The following KSR2 variants were observed in gnomAD, a reference collection of about 807,000 sequenced individuals.
The protein encoded by KSR2 is kinase suppressor of ras 2.
In KSR2, 25 loss-of-function variants were observed where a neutral mutation model predicts 107.8. The ratio of observed to expected loss-of-function variants is 0.23; its 90% CI spans 0.17 to 0.32. KSR2 has a LOEUF of 0.32. KSR2 is among the 10% of genes least tolerant of loss of function. The pLI, the probability that KSR2 is intolerant of heterozygous loss-of-function variation, is 1.00. For missense variants in KSR2, 887 were observed against 1,268.9 expected (o/e 0.70, Z 4.57); for synonymous variants, 480 against 507.0 (o/e 0.95, Z 0.71).
chr12:117,848,835 G>GGTGA (rs1892807956), intron 3 of KSR2, among the ~76,000 whole-genome samples: 2 of 40,134 alleles, frequency 5.0e-5, no homozygotes, highest in Non-Finnish European at 1.2e-4. Context: ...GATGGTGGTA[G>GGTGA]TGGTGGTGAT....
chr12:117,830,932 GA>G (rs1235740147), intron 3 of KSR2, among the ~76,000 whole-genome samples: 3 of 152,012 alleles, frequency 2.0e-5, no homozygotes, highest in African/African-American at 7.3e-5. Context: ...TAGCTCAAAG[GA>G]AAAACCAAAC....
intron 5 of KSR2, among the ~76,000 whole-genome samples, chr12:117,663,451 G>A (rs1377739548): frequency 6.6e-6 from 1 of 152,134 alleles, no homozygotes; most frequent in African/African-American, 2.4e-5. Flanking sequence ...AATACATGCC[G>A]ATTGCTATTA....
chr12:117,787,909 A>C (rs1890134008), intron 3 of KSR2, among the ~76,000 whole-genome samples: 1 of 152,250 alleles, frequency 6.6e-6, no homozygotes, highest in Non-Finnish European at 1.5e-5. Flanking sequence ...TCAATAATAA[A>C]CATTTGCTCT....
At chr12:117,769,749 C>G (rs1593218935) in intron 3 of KSR2, among the ~76,000 whole-genome samples, 1 of 152,164 alleles carries the variant, frequency 6.6e-6, no homozygotes, top group East Asian at 1.9e-4. Flanking sequence ...ACACAGAGCT[C>G]ACACTCAAGA....
intron 1 of KSR2, among the ~76,000 whole-genome samples, chr12:117,957,765 A>T (rs1896555316): frequency 6.6e-6 from 1 of 150,512 alleles, no homozygotes; most frequent in African/African-American, 2.4e-5. Context: ...ACACACACAC[A>T]CACACACGCA....
intron 16 of KSR2, among the ~76,000 whole-genome samples, chr12:117,477,788 C>T (rs1448386301): frequency 1.3e-5 from 2 of 152,234 alleles, no homozygotes; most frequent in Admixed American, 1.3e-4. Context: ...ACAACCAACT[C>T]CTTGCTGTTG....
In KSR2 at chr12:117,539,709, A is replaced by AT. The variant is rs1565890827; in HGVS notation, c.1687+9dup. 6.3e-7 allele frequency: 1 copy of AT among 1,596,124 alleles called. No individual in the cohort carries two copies. The highest frequency in any genetic ancestry group is 8.5e-7 in the Non-Finnish European group (1 of 1,172,710). On this transcript the variant is annotated intron_variant, in intron 10 of 19. Coordinates refer to ENST00000339824, the MANE Select transcript of KSR2 (RefSeq NM_173598.6). ...CTGCACCCCTCATGTCTCCCCAAGCATGGAGGTACCTGGCAGGTTGAAGTT... is the reference window on the plus strand; with the variant it reads ...CTGCACCCCTCATGTCTCCCCAAGCATTGGAGGTACCTGGCAGGTTGAAGTT...
intron 14 of KSR2, chr12:117,517,649 C>T (rs943341928): frequency 5.6e-6 from 2 of 354,532 alleles, no homozygotes; most frequent in African/African-American, 4.3e-5. Flanking sequence ...GCTTCCTTCA[C>T]AAAAGTCCCA....
At chr12:117,923,215 CATCT>C (rs368881568) in intron 1 of KSR2, among the ~76,000 whole-genome samples, 46 of 152,218 alleles carry the variant, frequency 3.0e-4, no homozygotes, top group African/African-American at 8.4e-4. Context: ...AACTATCTAT[CATCT>C]ATCTATCTAT....
At chr12:117,565,035 G>A (rs7308761) in intron 7 of KSR2, among the ~76,000 whole-genome samples, 6,779 of 152,208 alleles carry the variant, frequency 0.045, 495 homozygotes, top group African/African-American at 0.15. Flanking sequence ...GGGAACTGCG[G>A]GGGACAAATG....
chr12:117,778,304 C>A (rs1452095879), intron 3 of KSR2, among the ~76,000 whole-genome samples: 1 of 151,986 alleles, frequency 6.6e-6, no homozygotes. Flanking sequence ...TTGGCCAGGC[C>A]GGTCTCAAAC....
chr12:117,944,731 G>A (rs1896121288), intron 1 of KSR2, among the ~76,000 whole-genome samples: 2 of 151,800 alleles, frequency 1.3e-5, no homozygotes, highest in Admixed American at 6.6e-5. Flanking sequence ...GGTAGCACAC[G>A]CCCGTAGTCC....
chr12:117,958,000 T>C, intron 1 of KSR2, among the ~76,000 whole-genome samples: 1 of 152,050 alleles, frequency 6.6e-6, no homozygotes, highest in African/African-American at 2.4e-5. Context: ...CCAGCTAATT[T>C]TTTTGTATTT....
At chr12:117,962,376 A>G (rs1896684784) in intron 1 of KSR2, among the ~76,000 whole-genome samples, 1 of 151,516 alleles carries the variant, frequency 6.6e-6, no homozygotes, top group Non-Finnish European at 1.5e-5. Flanking sequence ...CCTACAGCCT[A>G]GGGATTAGCA....
intron 3 of KSR2, among the ~76,000 whole-genome samples, chr12:117,847,397 C>T (rs1054220756): frequency 2.2e-4 from 34 of 152,184 alleles, no homozygotes; most frequent in African/African-American, 8.0e-4. Context: ...TGCCAGTTCT[C>T]CCCCTTGATA....
intron 3 of KSR2, among the ~76,000 whole-genome samples, chr12:117,834,439 G>C (rs187750635): frequency 7.3e-4 from 79 of 108,248 alleles, no homozygotes; most frequent in African/African-American, 2.5e-3. Flanking sequence ...TACTGGGGGT[G>C]GGGGGCGGGG....
intron 2 of KSR2, among the ~76,000 whole-genome samples, chr12:117,856,945 C>A (rs1412477969): frequency 6.6e-6 from 1 of 152,154 alleles, no homozygotes; most frequent in Non-Finnish European, 1.5e-5. Context: ...CCCAGGCAGG[C>A]AGGGGGCAGA....
At chr12:117,903,631 G>A (rs1260184481) in intron 1 of KSR2, among the ~76,000 whole-genome samples, 1 of 152,184 alleles carries the variant, frequency 6.6e-6, no homozygotes, top group Admixed American at 6.5e-5. Flanking sequence ...CTGTATCACT[G>A]ATGGTGACCA....
At chr12:117,837,407 G>A (rs914952270) in intron 3 of KSR2, among the ~76,000 whole-genome samples, 4 of 152,116 alleles carry the variant, frequency 2.6e-5, no homozygotes, top group Admixed American at 2.0e-4. Flanking sequence ...GAAGCTTATC[G>A]GGCAGCGCCT....
Sources: allele counts gnomAD v4.1 joint callset (sites outside exome capture counted in the v4.1 genomes callset), GRCh38; gene constraint gnomAD v4.1.1; transcripts MANE v1.5; gene names NCBI Gene and HGNC (gene_info 2026-07-23, HGNC 2026-07-21).